LUZP2: variants seen among roughly 807,000 people sequenced by gnomAD.
LUZP2 encodes the protein leucine zipper protein 2.
LUZP2 carries 52 observed loss-of-function variants against 51.6 expected under a neutral mutation model. That is an observed-to-expected ratio of 1.01 (90% CI 0.81 to 1.27). LUZP2 has a LOEUF of 1.27. Among genes scored for constraint, LUZP2 ranks in the 50% most tolerant of loss-of-function variants. The pLI is 0.00. For missense variants in LUZP2, 436 were observed against 395.4 expected, an observed-to-expected ratio of 1.10 and a Z score of -0.87; for synonymous variants, 154 against 137.3, an observed-to-expected ratio of 1.12 and a Z score of -0.85.
intron 9 of LUZP2, among the ~76,000 whole-genome samples, chr11:25,031,822 A>T (rs1198726408): frequency 2.0e-5 from 3 of 152,136 alleles, no homozygotes; most frequent in Non-Finnish European, 2.9e-5. Context: ...TAAATCCCTT[A>T]TTATTTCTTC....
chr11:24,832,658 T>C (rs1302193224), intron 5 of LUZP2, among the ~76,000 whole-genome samples: 1 of 151,674 alleles, frequency 6.6e-6, no homozygotes, highest in Non-Finnish European at 1.5e-5. Flanking sequence ...AAATTTTATA[T>C]ATACATATAT....
chr11:24,602,290 ATATG>A, intron 1 of LUZP2, among the ~76,000 whole-genome samples: 1 of 145,842 alleles, frequency 6.9e-6, no homozygotes, highest in African/African-American at 2.6e-5. Context: ...ACACACATAT[ATATG>A]TACATACATA....
intron 1 of LUZP2, among the ~76,000 whole-genome samples, chr11:24,644,935 G>T (rs371910647): frequency 6.6e-6 from 1 of 152,124 alleles, no homozygotes; most frequent in African/African-American, 2.4e-5. Flanking sequence ...AGTACAGCAC[G>T]TATTTATATT....
chr11:24,840,244 T>A (rs1036984796), intron 5 of LUZP2, among the ~76,000 whole-genome samples: 4 of 151,798 alleles, frequency 2.6e-5, no homozygotes, highest in African/African-American at 7.2e-5. Context: ...CCTTCCACGC[T>A]TAGGCTTAAA....
intron 1 of LUZP2, among the ~76,000 whole-genome samples, chr11:24,709,641 A>C: frequency 6.6e-6 from 1 of 152,190 alleles, no homozygotes; most frequent in South Asian, 2.1e-4. Context: ...TTTTGGATAT[A>C]AACTTTATTT....
At chr11:24,861,161 A>G (rs1223467588) in intron 5 of LUZP2, among the ~76,000 whole-genome samples, 2 of 152,346 alleles carry the variant, frequency 1.3e-5, no homozygotes, top group Admixed American at 1.3e-4. Flanking sequence ...AAGCATATAC[A>G]AGTATCAACA....
chr11:24,980,911 G>A (rs1360705103), intron 8 of LUZP2, among the ~76,000 whole-genome samples: 1 of 151,748 alleles, frequency 6.6e-6, no homozygotes, highest in East Asian at 1.9e-4. Context: ...GATAAACAGG[G>A]CATTTTCATT....
chr11:24,711,293 A>G (rs1396430428), intron 1 of LUZP2, among the ~76,000 whole-genome samples: 1 of 151,806 alleles, frequency 6.6e-6, no homozygotes, highest in Non-Finnish European at 1.5e-5. Flanking sequence ...TACTAAAAAT[A>G]CAAAAAATTA....
intron 5 of LUZP2, among the ~76,000 whole-genome samples, chr11:24,778,705 G>T (rs1849010381): frequency 6.6e-6 from 1 of 152,188 alleles, no homozygotes; most frequent in South Asian, 2.1e-4. Context: ...AAAGAACCTT[G>T]AGAATGAAGA....
intron 9 of LUZP2, among the ~76,000 whole-genome samples, chr11:25,037,790 GTC>G (rs904259547): frequency 2.6e-5 from 4 of 151,948 alleles, no homozygotes; most frequent in Non-Finnish European, 5.9e-5. Flanking sequence ...TAGGCCACCA[GTC>G]TCTTCTGGCT....
At chr11:24,860,757 T>G (rs1851715901) in intron 5 of LUZP2, among the ~76,000 whole-genome samples, 1 of 151,896 alleles carries the variant, frequency 6.6e-6, no homozygotes, top group South Asian at 2.1e-4. Flanking sequence ...CAACAACAAC[T>G]GCATCAACGA....
chr11:24,736,329 ATG>A (rs1427003160), intron 3 of LUZP2, among the ~76,000 whole-genome samples: 1 of 151,950 alleles, frequency 6.6e-6, no homozygotes, highest in Admixed American at 6.6e-5. Flanking sequence ...AAAAATAAAA[ATG>A]AGAATTTTAA....
At chr11:24,663,675 A>G (rs1856102121) in intron 1 of LUZP2, among the ~76,000 whole-genome samples, 1 of 152,052 alleles carries the variant, frequency 6.6e-6, no homozygotes, top group South Asian at 2.1e-4. Flanking sequence ...CCCCATCCAA[A>G]TCTCAACTTA....
At chr11:24,502,821 A>T (rs1023298441) in intron 1 of LUZP2, among the ~76,000 whole-genome samples, 5 of 152,206 alleles carry the variant, frequency 3.3e-5, no homozygotes, top group African/African-American at 1.2e-4. Context: ...TTAAAATGTA[A>T]TTGCTATAAA....
chr11:24,805,706 G>A (rs1224607449), intron 5 of LUZP2, among the ~76,000 whole-genome samples: 1 of 152,048 alleles, frequency 6.6e-6, no homozygotes, highest in African/African-American at 2.4e-5. Context: ...CTAGCCCATC[G>A]TTTTCTCAAC....
At chr11:24,693,221 G>T (rs1179820086) in intron 1 of LUZP2, among the ~76,000 whole-genome samples, 2 of 151,304 alleles carry the variant, frequency 1.3e-5, no homozygotes, top group African/African-American at 2.4e-5. Flanking sequence ...TGTTGTTGTT[G>T]TTTTTAAGCA....
At chr11:24,729,587 A>G (rs188325456) in intron 2 of LUZP2, among the ~76,000 whole-genome samples, 192 of 152,062 alleles carry the variant, frequency 1.3e-3, no homozygotes, top group Non-Finnish European at 2.0e-3. Context: ...ATTATGATCA[A>G]GACTTAAATA....
intron 1 of LUZP2, among the ~76,000 whole-genome samples, chr11:24,697,935 AC>A (rs1286645026): frequency 6.6e-6 from 1 of 151,882 alleles, no homozygotes; most frequent in Non-Finnish European, 1.5e-5. Flanking sequence ...TGGTCCTGTG[AC>A]CCCCACCCAG....
At chr11:24,962,241 G>A (rs563815651) in intron 7 of LUZP2, among the ~76,000 whole-genome samples, 29 of 151,710 alleles carry the variant, frequency 1.9e-4, no homozygotes, top group East Asian at 7.8e-4. Flanking sequence ...GTTGCTCTTC[G>A]CGAGGAGTAG....
Sources: allele counts gnomAD v4.1 joint callset (sites outside exome capture counted in the v4.1 genomes callset), GRCh38; gene constraint gnomAD v4.1.1; transcripts MANE v1.5; gene names NCBI Gene and HGNC (gene_info 2026-07-23, HGNC 2026-07-21).